Variants in NEMF observed in about 807,000 individuals in gnomAD.
NEMF encodes the protein nuclear export mediator factor.
A neutral mutation model predicts 162.2 loss-of-function variants in NEMF; 89 were observed. That is an observed-to-expected ratio of 0.55 (90% CI 0.46 to 0.65). The LOEUF (loss-of-function observed/expected upper bound fraction) is 0.65. NEMF is among the 30% of genes least tolerant of loss of function. The pLI, the probability that NEMF is intolerant of heterozygous loss-of-function variation, is 0.00. For missense variants in NEMF, 1,133 were observed against 1,261.9 expected (o/e 0.90, Z 1.55); for synonymous variants, 421 against 404.5 (o/e 1.04, Z -0.49).
At chr14:49,830,484 C>T (rs1287931523) in intron 11 of NEMF, among the ~76,000 whole-genome samples, 1 of 152,170 alleles carries the variant, frequency 6.6e-6, no homozygotes, top group Non-Finnish European at 1.5e-5. Flanking sequence ...ACCTCCGCCT[C>T]CCAGGGTCAA....
intron 25 of NEMF, among the ~76,000 whole-genome samples, chr14:49,799,235 G>GAAAAAAAAAAAAAAA (rs1402728880): frequency 3.6e-5 from 2 of 54,960 alleles, no homozygotes; most frequent in Admixed American, 1.8e-4. Flanking sequence ...AAAAAAAAAG[G>GAAAAAAAAAAAAAAA]AAAATGTTAA....
chr14:49,789,577 C>A lies in NEMF; in HGVS notation c.2620-4G>T. On this transcript the variant is annotated splice_region_variant and splice_polypyrimidine_tract_variant and intron_variant, in intron 26 of 32. Transcript: ENST00000298310. ...CTTTCATTTTTTTCATTTTACTCTA[C>A]AAAATCAGAAGATTTTGGTTGGAAA... The A allele has an allele frequency of 3.7e-6, 6 of 1,604,602 alleles. No homozygotes were observed. Among genetic ancestry groups the A allele is most frequent in the Non-Finnish European group, 5.1e-6 (6 of 1,177,976 alleles).
rs183429841 is a variant in NEMF at position 49,833,142 on chromosome 14, T to C, written c.735+281A>G. ...CTGTCCAGGCATGGTGGCACGTGCC[T>C]GTAGTCCCAGCTACTCGGGAGGCTG... On this transcript the variant is annotated intron_variant, in intron 8 of 32. Coordinates refer to ENST00000298310, the MANE Select transcript of NEMF (RefSeq NM_004713.6). Among the ~76,000 whole-genome samples the C allele has an allele frequency of 3.5e-3, 538 of 152,190 alleles. 3 individuals are homozygous for C. The highest frequency in any genetic ancestry group is 0.012 in the African/African-American group (512 of 41,538).
chr14:49,784,782 A>T, intron 32 of NEMF, 69 bp from the exon 33 acceptor site: 1 of 1,483,632 alleles, frequency 6.7e-7, no homozygotes, highest in Non-Finnish European at 9.3e-7. Flanking sequence ...TATGACAAAA[A>T]CGAAAAACAT....
intron 26 of NEMF, among the ~76,000 whole-genome samples, chr14:49,795,496 A>G (rs1890652239): frequency 6.6e-6 from 1 of 152,146 alleles, no homozygotes; most frequent in Non-Finnish European, 1.5e-5. Flanking sequence ...CTAAATTCTC[A>G]ATAAATATCA....
intron 8 of NEMF, among the ~76,000 whole-genome samples, chr14:49,832,605 T>C (rs182418846): frequency 7.9e-4 from 121 of 152,294 alleles, no homozygotes; most frequent in African/African-American, 2.7e-3. Context: ...AGTGCTGAGA[T>C]CACAGGTGTG....
At chr14:49,811,162 T>G (rs1183903268) in intron 18 of NEMF, among the ~76,000 whole-genome samples, 3 of 152,352 alleles carry the variant, frequency 2.0e-5, no homozygotes, top group South Asian at 4.1e-4. Flanking sequence ...ATAAGCGTTG[T>G]AAGTCTTTTG....
intron 26 of NEMF, among the ~76,000 whole-genome samples, chr14:49,795,006 C>T (rs1183199468): frequency 6.6e-6 from 1 of 152,078 alleles, no homozygotes; most frequent in Non-Finnish European, 1.5e-5. Flanking sequence ...GCATGAGCCA[C>T]TGTGCCTGGC....
chr14:49,812,732 T>C (rs1200403309), intron 18 of NEMF, among the ~76,000 whole-genome samples: 1 of 152,204 alleles, frequency 6.6e-6, no homozygotes, highest in Non-Finnish European at 1.5e-5. Flanking sequence ...TCCTGGTTTC[T>C]AATTTCACCC....
intron 11 of NEMF, among the ~76,000 whole-genome samples, chr14:49,829,713 G>A (rs1892545051): frequency 6.6e-6 from 1 of 152,150 alleles, no homozygotes; most frequent in African/African-American, 2.4e-5. Flanking sequence ...TATTCAAACA[G>A]GCAGAAATCA....
chr14:49,803,891 T>C (rs1252778057), intron 19 of NEMF, among the ~76,000 whole-genome samples: 1 of 152,124 alleles, frequency 6.6e-6, no homozygotes, highest in Non-Finnish European at 1.5e-5. Context: ...TGAGATGTAA[T>C]GAGAAAACTA....
At chr14:49,819,059 C>G in intron 16 of NEMF, among the ~76,000 whole-genome samples, 1 of 152,038 alleles carries the variant, frequency 6.6e-6, no homozygotes, top group Non-Finnish European at 1.5e-5. Flanking sequence ...AAAAAAGTGC[C>G]TGTAGTCCCA....
chr14:49,824,303 G>A (rs1375233695), intron 16 of NEMF, among the ~76,000 whole-genome samples: 1 of 152,106 alleles, frequency 6.6e-6, no homozygotes, highest in Admixed American at 6.5e-5. Flanking sequence ...CCAACACTTT[G>A]GGAGGCTGAG....
chr14:49,822,529 A>G (rs1566683655), intron 16 of NEMF, among the ~76,000 whole-genome samples: 2 of 151,594 alleles, frequency 1.3e-5, no homozygotes, highest in Non-Finnish European at 2.9e-5. Flanking sequence ...CTCAAAGAAA[A>G]AAAAAGTAAT....
chr14:49,851,963 G>T, intron 1 of NEMF, 88 bp from the exon 2 acceptor site: 1 of 804,074 alleles, frequency 1.2e-6, no homozygotes, highest in Non-Finnish European at 2.0e-6. Context: ...TCGAAAGAGC[G>T]GATCTCAGTC....
intron 22 of NEMF, chr14:49,801,629 C>T (rs148338902): frequency 8.9e-4 from 135 of 152,224 alleles, no homozygotes; most frequent in African/African-American, 3.0e-3. Flanking sequence ...AGAGGAATGA[C>T]CTTAGCAGAG....
intron 11 of NEMF, among the ~76,000 whole-genome samples, chr14:49,830,984 G>T (rs899677579): frequency 6.6e-6 from 1 of 152,180 alleles, no homozygotes; most frequent in Admixed American, 6.5e-5. Flanking sequence ...CTCCTTAACA[G>T]CAATGTTTGA....
chr14:49,783,633 TCTTTAGTGGTAAGC>T lies in NEMF; in HGVS notation c.*989_*1002del, dbSNP rs376714189. 6.6e-6 allele frequency: 1 copy of T among 152,016 alleles called. No individual in the cohort carries two copies. 9.4% of individuals were successfully genotyped at this position (152,016 alleles called of 1,614,324 possible). A position where few individuals can be genotyped will look rare whatever the true frequency, so the allele number is the denominator to read the frequency against. On this transcript the variant is annotated 3_prime_UTR_variant, in exon 33 of 33. Coordinates refer to ENST00000298310, the MANE Select transcript of NEMF (RefSeq NM_004713.6). The stretch of plus-strand genomic sequence containing the variant: ...GAGACAGAGGAAAAGTGGGTTAGAG[TCTTTAGTGGTAAGC>T]CTAAAATGCGCTTCTGGTATTATAG...
At chr14:49,790,392 G>A (rs985064068) in intron 26 of NEMF, among the ~76,000 whole-genome samples, 4 of 152,020 alleles carry the variant, frequency 2.6e-5, no homozygotes, top group Admixed American at 2.6e-4. Flanking sequence ...TTCGAAAGAG[G>A]ATACACAAAG....
Sources: allele counts gnomAD v4.1 joint callset (sites outside exome capture counted in the v4.1 genomes callset), GRCh38; gene constraint gnomAD v4.1.1; transcripts MANE v1.5; gene names NCBI Gene and HGNC (gene_info 2026-07-23, HGNC 2026-07-21).